The following CHST8 variants were observed in gnomAD, a reference collection of about 807,000 sequenced individuals.
CHST8 encodes the protein GALNAC-4-ST1.
In CHST8, 10 loss-of-function variants were observed where a neutral mutation model predicts 15.0. That is an observed-to-expected ratio of 0.67 (90% CI 0.41 to 1.13). CHST8 has a LOEUF of 1.13. Ranked by LOEUF, CHST8 falls within the 50% of genes most tolerant of loss-of-function variation. CHST8 has a pLI of 0.00. For missense variants in CHST8, 634 were observed against 608.2 expected, an observed-to-expected ratio of 1.04 and a Z score of -0.45; for synonymous variants, 259 against 256.6, an observed-to-expected ratio of 1.01 and a Z score of -0.09.
chr19:33,718,267 G>A (rs1973702809), intron 3 of CHST8, among the ~76,000 whole-genome samples: 1 of 115,290 alleles, frequency 8.7e-6, no homozygotes, highest in Admixed American at 9.6e-5. Flanking sequence ...TGCCCAGGCT[G>A]GACTACAGTG....
chr19:33,634,508 A>G (rs565664780), intron 1 of CHST8, among the ~76,000 whole-genome samples: 1 of 152,176 alleles, frequency 6.6e-6, no homozygotes, highest in East Asian at 1.9e-4. Context: ...GATGGAGTAG[A>G]CAAGAGTTTC....
At chr19:33,729,536 G>A (rs531889484) in intron 3 of CHST8, among the ~76,000 whole-genome samples, 5 of 152,256 alleles carry the variant, frequency 3.3e-5, no homozygotes, top group African/African-American at 1.2e-4. Flanking sequence ...GATTGCAAGA[G>A]CATGTTGCCA....
chr19:33,732,180 G>A (rs1974008507), intron 3 of CHST8, among the ~76,000 whole-genome samples: 1 of 152,196 alleles, frequency 6.6e-6, no homozygotes. Flanking sequence ...TTAAAGATGA[G>A]GTCAAGCACA....
chr19:33,686,365 C>T (rs971223974), intron 2 of CHST8, among the ~76,000 whole-genome samples: 6 of 151,998 alleles, frequency 3.9e-5, no homozygotes, highest in Non-Finnish European at 7.4e-5. Context: ...TGGTTTGGGG[C>T]GGTTCAGAAA....
At chr19:33,695,359 C>G (rs1482654113) in intron 3 of CHST8, among the ~76,000 whole-genome samples, 1 of 152,130 alleles carries the variant, frequency 6.6e-6, no homozygotes, top group East Asian at 1.9e-4. Flanking sequence ...CTCAGGCCCT[C>G]GAGATGAGCC....
At chr19:33,729,978 A>G (rs1352984245) in intron 3 of CHST8, among the ~76,000 whole-genome samples, 2 of 152,342 alleles carry the variant, frequency 1.3e-5, no homozygotes, top group East Asian at 3.9e-4. Context: ...ACAAAAGCCT[A>G]TGATTTTAAG....
At chr19:33,712,622 A>G (rs1199871542) in intron 3 of CHST8, among the ~76,000 whole-genome samples, 1 of 152,168 alleles carries the variant, frequency 6.6e-6, no homozygotes, top group Non-Finnish European at 1.5e-5. Flanking sequence ...AGCCGCCCAC[A>G]CTTGCTCCAG....
intron 3 of CHST8, among the ~76,000 whole-genome samples, chr19:33,707,002 C>G (rs969970779): frequency 1.3e-5 from 2 of 152,156 alleles, no homozygotes; most frequent in African/African-American, 4.8e-5. Context: ...TCCAATGGGG[C>G]CTCACAGTGA....
At chr19:33,699,811 G>A (rs931431393) in intron 3 of CHST8, among the ~76,000 whole-genome samples, 3 of 152,278 alleles carry the variant, frequency 2.0e-5, no homozygotes, top group Admixed American at 2.0e-4. Context: ...AATGTCAGAA[G>A]GTCTGTCCAG....
At chr19:33,663,572 G>A (rs913741167) in intron 1 of CHST8, among the ~76,000 whole-genome samples, 2 of 151,996 alleles carry the variant, frequency 1.3e-5, no homozygotes, top group African/African-American at 4.8e-5. Flanking sequence ...CCCCAAAAAG[G>A]TTTAAAAAGC....
intron 2 of CHST8, among the ~76,000 whole-genome samples, chr19:33,683,760 G>C (rs1972929224): frequency 6.6e-6 from 1 of 152,166 alleles, no homozygotes; most frequent in South Asian, 2.1e-4. Context: ...GAGAGGCCTC[G>C]ATGCGATTCC....
In CHST8 at chr19:33,639,840, A is replaced by AT. The variant is rs55789565; in HGVS notation, c.-164+17561dup. On this transcript the variant is annotated intron_variant, in intron 1 of 4. Transcript: ENST00000650847. ...TAGGGACAATGGAGAAGCAAATCAA[A>AT]TTTTTTTTTTTTTTTTTGAGACAGA... 3.2e-3 allele frequency among the ~76,000 whole-genome samples: 447 copies of AT among 138,112 alleles called. 1 individual carries two copies. Among genetic ancestry groups the AT allele is most frequent in the African/African-American group, 5.0e-3 (183 of 36,334 alleles). The allele number at this position is 138,112 out of a possible 152,430, so 90.6% of individuals were successfully genotyped here. A position where few individuals can be genotyped will look rare whatever the true frequency, so the allele number is the denominator to read the frequency against.
At position 33,650,518 on chromosome 19, in the gene CHST8, CTTTTT is replaced by C. The variant is rs869057036; in HGVS notation, c.-163-17224_-163-17220del. 3.5e-3 allele frequency among the ~76,000 whole-genome samples: 125 copies of C among 36,108 alleles called. 4 individuals are homozygous for C. Among genetic ancestry groups the C allele is most frequent in the Middle Eastern group, 0.022 (1 of 46 alleles). 23.7% of individuals were successfully genotyped at this position (36,108 alleles called of 152,430 possible). A position where few individuals can be genotyped will look rare whatever the true frequency, so the allele number is the denominator to read the frequency against. ...TTCTTTTTCTTTTTCTTTTTCTTTT[CTTTTT>C]TTTTTTTTTTTTTTTTTTTTTTTTG... On this transcript the variant is annotated intron_variant, in intron 1 of 4. Transcript: ENST00000650847.
chr19:33,737,125 C>T (rs1974102612), intron 3 of CHST8, among the ~76,000 whole-genome samples: 2 of 152,176 alleles, frequency 1.3e-5, no homozygotes, highest in African/African-American at 4.8e-5. Flanking sequence ...AGCTCCTTTC[C>T]AGAAAAACTC....
chr19:33,771,358 T>C, intron 3 of CHST8, 55 bp from the exon 4 acceptor site: 3 of 1,576,258 alleles, frequency 1.9e-6, no homozygotes, highest in African/African-American at 1.3e-5. Context: ...AGCAGTTCCC[T>C]GGGAGCCATG....
intron 1 of CHST8, among the ~76,000 whole-genome samples, chr19:33,642,338 G>A (rs1972294928): frequency 6.6e-6 from 1 of 151,910 alleles, no homozygotes; most frequent in South Asian, 2.1e-4. Flanking sequence ...TCTGACCTCA[G>A]CATTCTAGCT....
At chr19:33,675,839 G>C (rs1399276009) in intron 2 of CHST8, among the ~76,000 whole-genome samples, 1 of 152,208 alleles carries the variant, frequency 6.6e-6, no homozygotes, top group Admixed American at 6.5e-5. Flanking sequence ...TCCCTCAGCT[G>C]ATTTTGCACA....
chr19:33,659,059 CTTTTTT>C (rs71181374), intron 1 of CHST8, among the ~76,000 whole-genome samples: 2 of 78,842 alleles, frequency 2.5e-5, no homozygotes, highest in Non-Finnish European at 4.4e-5. Flanking sequence ...TAGGTAATGA[CTTTTTT>C]TTTTTTTTTT....
At chr19:33,671,303 T>A (rs1021867658) in intron 2 of CHST8, among the ~76,000 whole-genome samples, 1 of 152,212 alleles carries the variant, frequency 6.6e-6, no homozygotes, top group Non-Finnish European at 1.5e-5. Flanking sequence ...GATTTTCACA[T>A]GAGAATGGTG....
Sources: allele counts gnomAD v4.1 joint callset (sites outside exome capture counted in the v4.1 genomes callset), GRCh38; gene constraint gnomAD v4.1.1; transcripts MANE v1.5; gene names NCBI Gene and HGNC (gene_info 2026-07-23, HGNC 2026-07-21).